Variants in NPAS3 observed in about 807,000 individuals in gnomAD.
NPAS3 encodes neuronal PAS domain protein 3.
Under a neutral mutation model 73.1 loss-of-function variants are expected in NPAS3, and 14 were observed. The observed-to-expected ratio is 0.19, with a 90% CI of 0.13 to 0.30. NPAS3 has a LOEUF of 0.30. NPAS3 is among the 10% of genes least tolerant of loss of function. NPAS3 has a pLI of 1.00. For missense variants in NPAS3, 1,096 were observed against 1,250.0 expected, an observed-to-expected ratio of 0.88 and a Z score of 1.86; for synonymous variants, 620 against 541.5, an observed-to-expected ratio of 1.14 and a Z score of -2.01.
intron 5 of NPAS3, among the ~76,000 whole-genome samples, chr14:33,580,801 C>A (rs976324619): frequency 7.0e-6 from 1 of 143,546 alleles, no homozygotes; most frequent in African/African-American, 2.5e-5. Flanking sequence ...CTCCACCGCA[C>A]CCCCCTACCC....
At chr14:33,460,301 G>A (rs2050204526) in intron 4 of NPAS3, among the ~76,000 whole-genome samples, 1 of 152,114 alleles carries the variant, frequency 6.6e-6, no homozygotes, top group African/African-American at 2.4e-5. Context: ...CTCTGGGCAG[G>A]GTGCCTTGAA....
At chr14:33,523,478 C>T (rs905230543) in intron 4 of NPAS3, among the ~76,000 whole-genome samples, 2 of 140,780 alleles carry the variant, frequency 1.4e-5, no homozygotes, top group Admixed American at 7.1e-5. Context: ...AAAAAAGATC[C>T]TGGGCCAGGC....
intron 4 of NPAS3, among the ~76,000 whole-genome samples, chr14:33,437,111 C>T (rs1449151566): frequency 6.6e-6 from 1 of 152,172 alleles, no homozygotes; most frequent in East Asian, 1.9e-4. Context: ...CCATGACATG[C>T]ACGAAGGCAG....
At chr14:33,481,272 A>G (rs1246330028) in intron 4 of NPAS3, among the ~76,000 whole-genome samples, 1 of 152,206 alleles carries the variant, frequency 6.6e-6, no homozygotes, top group Non-Finnish European at 1.5e-5. Context: ...GTCTCTGTTC[A>G]TTGCAAACGT....
chr14:33,093,611 A>G (rs2042305253), intron 2 of NPAS3, among the ~76,000 whole-genome samples: 1 of 144,518 alleles, frequency 6.9e-6, no homozygotes, highest in Non-Finnish European at 1.5e-5. Context: ...CAGCCATGCC[A>G]TTACTGGGTA....
intron 6 of NPAS3, among the ~76,000 whole-genome samples, chr14:33,697,977 T>C (rs1167098753): frequency 6.6e-6 from 1 of 152,214 alleles, no homozygotes; most frequent in East Asian, 1.9e-4. Flanking sequence ...TTTATATTCT[T>C]ACTATTTGAG....
intron 2 of NPAS3, among the ~76,000 whole-genome samples, chr14:33,090,582 A>G (rs1258984135): frequency 6.6e-6 from 1 of 152,228 alleles, no homozygotes; most frequent in Non-Finnish European, 1.5e-5. Context: ...AACATTAGAC[A>G]GATCAACGAG....
At position 33,579,576 on chromosome 14, in the gene NPAS3, C is replaced by G. The variant is rs114570257; in HGVS notation, c.558+19366C>G. Among the ~76,000 whole-genome samples, 148 of 152,050 alleles carry G rather than the reference C, an allele frequency of 9.7e-4. 1 individual carries two copies. The highest frequency in any genetic ancestry group is 3.4e-3 in the African/African-American group (143 of 41,484). ...ATCAATGTACTCCCCATTTCATAGA[C>G]GTGCTATTAGTAACGATAGAATTGT... On this transcript the variant is annotated intron_variant, in intron 5 of 11. Transcript: ENST00000356141.
chr14:33,385,883 A>G (rs1314990721), intron 4 of NPAS3, among the ~76,000 whole-genome samples: 1 of 152,210 alleles, frequency 6.6e-6, no homozygotes, highest in Non-Finnish European at 1.5e-5. Flanking sequence ...GACAGCTGTC[A>G]AAATCACTGA....
At chr14:33,410,115 A>C (rs1447389626) in intron 4 of NPAS3, among the ~76,000 whole-genome samples, 3 of 152,146 alleles carry the variant, frequency 2.0e-5, no homozygotes, top group African/African-American at 7.2e-5. Context: ...TTGCTGGTCC[A>C]GTGTCATGAA....
At chr14:33,568,281 G>A (rs893753580) in intron 5 of NPAS3, among the ~76,000 whole-genome samples, 2 of 152,128 alleles carry the variant, frequency 1.3e-5, no homozygotes, top group Non-Finnish European at 2.9e-5. Flanking sequence ...TAATGAAACG[G>A]TGTTTTTCTG....
intron 1 of NPAS3, among the ~76,000 whole-genome samples, chr14:33,023,850 T>A (rs2039693994): frequency 6.6e-6 from 1 of 152,154 alleles, no homozygotes; most frequent in African/African-American, 2.4e-5. Context: ...CTGGCCTTAT[T>A]ATCCAGTGGG....
chr14:33,197,190 AG>A (rs1023552960), intron 2 of NPAS3, among the ~76,000 whole-genome samples: 1 of 150,982 alleles, frequency 6.6e-6, no homozygotes, highest in Non-Finnish European at 1.5e-5. Flanking sequence ...ACAGGGGTGA[AG>A]GGAAGCAAAT....
chr14:33,713,838 A>G (rs1468537979), intron 6 of NPAS3, among the ~76,000 whole-genome samples: 1 of 152,200 alleles, frequency 6.6e-6, no homozygotes, highest in Admixed American at 6.5e-5. Flanking sequence ...CATAGAACAC[A>G]TCTCAGCATC....
chr14:33,199,721 T>C (rs1289123115), intron 2 of NPAS3, among the ~76,000 whole-genome samples: 1 of 138,088 alleles, frequency 7.2e-6, no homozygotes, highest in African/African-American at 2.6e-5. Context: ...CCCCTTCTTC[T>C]TCCCCTCCCT....
chr14:33,043,032 T>C lies in NPAS3; in HGVS notation c.51-12873T>C, dbSNP rs548402529. ...CTGCTGCTTCATAATGTAGTTTTAG[T>C]TGAATGTAATCTCCTCCACTCAAAT... is the stretch of plus-strand genomic sequence containing the variant. On this transcript the variant is annotated intron_variant, in intron 1 of 11. Transcript: ENST00000356141. 1.8e-4 allele frequency among the ~76,000 whole-genome samples: 28 copies of C among 152,294 alleles called. 1 individual carries two copies. In the East Asian group the frequency reaches 4.6e-3, roughly 25 times the overall value.
chr14:33,686,722 A>G (rs958024762), intron 6 of NPAS3, among the ~76,000 whole-genome samples: 3 of 152,174 alleles, frequency 2.0e-5, no homozygotes, highest in African/African-American at 7.2e-5. Context: ...GCAGGCTGGC[A>G]CCAGAGCCCC....
At chr14:33,538,363 C>T (rs765270176) in intron 4 of NPAS3, among the ~76,000 whole-genome samples, 8 of 152,232 alleles carry the variant, frequency 5.3e-5, no homozygotes, top group Non-Finnish European at 1.2e-4. Flanking sequence ...GTCAGACCTT[C>T]TTCTCCCTGC....
intron 2 of NPAS3, chr14:33,214,912 C>A: frequency 4.5e-6 from 2 of 446,656 alleles, no homozygotes; most frequent in Non-Finnish European, 8.1e-6. Context: ...ATAAATACAC[C>A]TCAATGCATG....
Sources: allele counts gnomAD v4.1 joint callset (sites outside exome capture counted in the v4.1 genomes callset), GRCh38; gene constraint gnomAD v4.1.1; transcripts MANE v1.5; gene names NCBI Gene and HGNC (gene_info 2026-07-23, HGNC 2026-07-21).